Variants in GALK2 observed in about 807,000 individuals in gnomAD.
GALK2 encodes N-acetylgalactosamine kinase.
In GALK2, 36 loss-of-function variants were observed where a neutral mutation model predicts 52.4. The ratio of observed to expected loss-of-function variants is 0.69; its 90% CI spans 0.53 to 0.91. GALK2 has a LOEUF of 0.91. GALK2 is among the 40% of genes least tolerant of loss of function. The probability of loss-of-function intolerance (pLI) is 0.00; values close to 1 mark genes in which losing one functional copy is unlikely to be tolerated. For missense variants in GALK2, 579 were observed against 559.1 expected (o/e 1.04, Z -0.36); for synonymous variants, 176 against 199.1 (o/e 0.88, Z 0.98).
intron 5 of GALK2, among the ~76,000 whole-genome samples, chr15:49,266,761 T>G (rs938085101): frequency 6.6e-6 from 1 of 152,094 alleles, no homozygotes; most frequent in Non-Finnish European, 1.5e-5. Flanking sequence ...GATGGGAGAT[T>G]GGGTGTGTGT....
chr15:49,333,203 G>T (rs1392612408), downstream of GALK2, among the ~76,000 whole-genome samples: 3 of 152,094 alleles, frequency 2.0e-5, no homozygotes, highest in African/African-American at 4.8e-5. Flanking sequence ...CCATTAAAGT[G>T]TACAGTTCAG....
rs1430569412 is a variant in GALK2 at position 49,346,103 on chromosome 15, C to T, written c.427-21388C>T. Among the ~76,000 whole-genome samples, 6 of 150,804 alleles carry T rather than the reference C, an allele frequency of 4.0e-5. No homozygotes were observed. The South Asian group carries it at 8.4e-4, about 21-fold the overall frequency. ...AAGCTGAAAGCCATGCTGCTGAACA[C>T]GAAACTTAACCTTTACTGGCTGCTT... is the stretch of plus-strand genomic sequence containing the variant. On this transcript the variant is annotated intron_variant, in intron 3 of 3. Transcript: ENST00000558399.
At chr15:49,228,685 ATATT>A (rs1324383447) in intron 3 of GALK2, among the ~76,000 whole-genome samples, 13 of 18,140 alleles carry the variant, frequency 7.2e-4, no homozygotes, top group South Asian at 2.0e-3. Context: ...ATATATATAT[ATATT>A]TTTTTTTTTT....
At chr15:49,360,120 A>C (rs944443235) in intron 3 of GALK2, among the ~76,000 whole-genome samples, 1 of 150,588 alleles carries the variant, frequency 6.6e-6, no homozygotes, top group Non-Finnish European at 1.5e-5. Flanking sequence ...GGATAGCATC[A>C]GGAGATATAC....
At chr15:49,167,283 T>C (rs1457544646), upstream of GALK2, among the ~76,000 whole-genome samples, 1 of 152,136 alleles carries the variant, frequency 6.6e-6, no homozygotes, top group Non-Finnish European at 1.5e-5. Flanking sequence ...GAGTGCCTAC[T>C]TGCAAAAAGC....
intron 3 of GALK2, among the ~76,000 whole-genome samples, chr15:49,235,441 G>A (rs2090751869): frequency 6.6e-6 from 1 of 151,958 alleles, no homozygotes; most frequent in South Asian, 2.1e-4. Context: ...AAATTGTGCA[G>A]ATGGTAAAAT....
chr15:49,196,031 A>C (rs1237315796), intron 1 of GALK2, among the ~76,000 whole-genome samples: 2 of 151,932 alleles, frequency 1.3e-5, no homozygotes, highest in Non-Finnish European at 2.9e-5. Context: ...TATTTTGTAC[A>C]TTTGTGCTTT....
At chr15:49,326,415 C>T (rs990758530) in intron 9 of GALK2, among the ~76,000 whole-genome samples, 31 of 151,884 alleles carry the variant, frequency 2.0e-4, no homozygotes, top group African/African-American at 7.3e-4. Context: ...GTGCACCCGG[C>T]TAATTTTTGT....
chr15:49,210,990 C>CAG (rs2141353186), intron 2 of GALK2, among the ~76,000 whole-genome samples: 1 of 151,668 alleles, frequency 6.6e-6, no homozygotes, highest in South Asian at 2.1e-4. Flanking sequence ...CACACACACA[C>CAG]ACACACACAC....
rs146595561 is a variant in GALK2 at position 49,232,794 on chromosome 15, C to CAAAAATG, written c.267-3055_267-3049dup. Among the ~76,000 whole-genome samples the CAAAAATG allele has an allele frequency of 8.1e-3, 1,229 of 152,294 alleles. 16 individuals carry two copies. The highest frequency in any genetic ancestry group is 0.029 in the African/African-American group (1,184 of 41,538). On this transcript the variant is annotated intron_variant, in intron 3 of 9. Coordinates refer to ENST00000560031, the MANE Select transcript of GALK2 (RefSeq NM_002044.4). ...CTCCAGGCTCTTTGTTAATGCATAA[C>CAAAAATG]AAAAATGACCTTTACACTAGTTCCC...
chr15:49,170,488 G>A, intron 1 of GALK2, 113 bp downstream of exon 1: 1 of 1,063,598 alleles, frequency 9.4e-7, no homozygotes, highest in Non-Finnish European at 1.4e-6. Context: ...CGGGGAGCAA[G>A]TGGAACCCTT....
At position 49,292,472 on chromosome 15, in the gene GALK2, G is replaced by A; in HGVS notation, c.902G>A (p.Cys301Tyr). The change falls in exon 8 of 10, where the codon TGC (cysteine) becomes TAC (tyrosine). Residue 301 changes from cysteine to tyrosine, a missense_variant. By Grantham distance (194) the Cys-to-Tyr change is radical. Coordinates refer to ENST00000560031, the MANE Select transcript of GALK2 (RefSeq NM_002044.4). The part of the protein sequence containing the change: ...HPEPYNPEEI[C>Y]RCLGISLEEL... ...GAACCCTATAACCCTGAGGAGATCT[G>A]CAGGTGTCTGGGAATTAGCCTGGAG... 1 of 1,614,020 alleles carries A rather than the reference G, an allele frequency of 6.2e-7. No homozygotes were observed. The highest frequency in any genetic ancestry group is 8.5e-7 in the Non-Finnish European group (1 of 1,179,976).
Position 49,329,104 on chromosome 15 carries a change from T to C in GALK2, c.*945T>C. ...CCACACATTCCTTATATCCCTTTTTTGCTTGTCTAGCAAAGCTTGTTTGTA... is the reference window on the plus strand; with the variant it reads ...CCACACATTCCTTATATCCCTTTTTCGCTTGTCTAGCAAAGCTTGTTTGTA... On this transcript the variant is annotated 3_prime_UTR_variant, in exon 10 of 10. Transcript: ENST00000560031. 19 of 994,742 alleles carry C rather than the reference T, an allele frequency of 1.9e-5. No homozygotes were observed. The highest frequency in any genetic ancestry group is 2.3e-5 in the Non-Finnish European group (19 of 835,262). 61.6% of individuals were successfully genotyped at this position (994,742 alleles called of 1,614,324 possible).
chr15:49,240,323 A>T (rs905216285), intron 5 of GALK2, among the ~76,000 whole-genome samples: 11 of 152,156 alleles, frequency 7.2e-5, no homozygotes, highest in Non-Finnish European at 1.3e-4. Flanking sequence ...ACAATTTTCA[A>T]TCTGATTTGT....
chr15:49,192,027 G>A (rs1290065032), intron 1 of GALK2, among the ~76,000 whole-genome samples: 1 of 151,744 alleles, frequency 6.6e-6, no homozygotes, highest in Non-Finnish European at 1.5e-5. Flanking sequence ...ATTGTTTCAG[G>A]GTCAGATTTG....
In GALK2 at chr15:49,319,848, ATT is replaced by A. The variant is rs774930647; in HGVS notation, c.1169+44_1169+45del. On this transcript the variant is annotated intron_variant, in intron 9 of 9. Transcript: ENST00000560031. ...GGGCCAAGGGATGCCATCAAATAAT[ATT>A]GTTTAAATTAATGGAAAAAAATGCA... 5 of 1,514,328 alleles carry A rather than the reference ATT, an allele frequency of 3.3e-6. No homozygotes were observed. In the East Asian group the frequency reaches 9.3e-5, roughly 28 times the overall value. 93.8% of individuals were successfully genotyped at this position (1,514,328 alleles called of 1,614,324 possible). A position where few individuals can be genotyped will look rare whatever the true frequency, so the allele number is the denominator to read the frequency against.
At chr15:49,170,427 A>C (rs1351498753) in intron 1 of GALK2, 52 bp downstream of exon 1, 1 of 1,543,932 alleles carries the variant, frequency 6.5e-7, no homozygotes, top group East Asian at 2.4e-5. Context: ...GGCTACGTGT[A>C]GATCGGGTCC....
intron 3 of GALK2, among the ~76,000 whole-genome samples, chr15:49,364,746 T>C (rs2044831225): frequency 6.6e-6 from 1 of 152,170 alleles, no homozygotes; most frequent in Admixed American, 6.5e-5. Context: ...TGCATAATTA[T>C]TTACAGTAAA....
At chr15:49,317,890 C>T (rs1485219510) in intron 8 of GALK2, among the ~76,000 whole-genome samples, 4 of 152,036 alleles carry the variant, frequency 2.6e-5, no homozygotes, top group African/African-American at 9.7e-5. Context: ...AGGGGAACAA[C>T]ACATACTGGG....
Sources: gnomAD v4.1 joint callset for allele counts (sites outside exome capture counted in the v4.1 genomes callset) on GRCh38, gnomAD v4.1.1 for gene constraint, MANE v1.5 for transcripts, NCBI Gene and HGNC (gene_info 2026-07-23, HGNC 2026-07-21) for gene names.